HMCN2: variants seen among roughly 807,000 people sequenced by gnomAD.
The protein encoded by HMCN2 is hemicentin-2.
HMCN2 carries 325 observed loss-of-function variants against 377.5 expected under a neutral mutation model. The ratio of observed to expected loss-of-function variants is 0.86; its 90% CI spans 0.79 to 0.94. The LOEUF (loss-of-function observed/expected upper bound fraction) is 0.94. HMCN2 is among the 40% of genes least tolerant of loss of function. The pLI is 0.00. For synonymous variants in HMCN2, 2,007 were observed against 2,046.8 expected (o/e 0.98, Z 0.53); for missense variants, 4,543 against 4,725.3 (o/e 0.96, Z 1.13).
chr9:130,285,958 A>G (rs1477656320), intron 3 of HMCN2, among the ~76,000 whole-genome samples: 2 of 152,128 alleles, frequency 1.3e-5, no homozygotes, highest in African/African-American at 4.8e-5. Context: ...TGGAGCACCT[A>G]CTGTTTTCCT....
intron 25 of HMCN2, among the ~76,000 whole-genome samples, chr9:130,345,824 T>C (rs1291548307): frequency 1.3e-5 from 2 of 151,896 alleles, no homozygotes; most frequent in Non-Finnish European, 2.9e-5. Context: ...CTGTCCCTCA[T>C]GCCAGCAGGG....
chr9:130,424,710 C>A, intron 87 of HMCN2, 66 bp from the exon 88 acceptor site: 1 of 1,437,962 alleles, frequency 7.0e-7, no homozygotes, highest in Admixed American at 2.9e-5. Context: ...ATGACGGGAC[C>A]TTGAACAGGA....
At position 130,423,059 on chromosome 9, in the gene HMCN2, C is replaced by T. The variant is rs543300951; in HGVS notation, c.13381+333C>T. 4.6e-5 allele frequency among the ~76,000 whole-genome samples: 7 copies of T among 152,264 alleles called. No homozygotes were observed. In the South Asian group the frequency reaches 1.5e-3, roughly 32 times the overall value. On this transcript the variant is annotated intron_variant, in intron 87 of 97. Transcript: ENST00000683500. The surrounding 1 kb of genome is among the most constrained non-coding windows in gnomAD (Gnocchi z 5.5). Reference sequence around the variant, plus strand: ...CCACCGATGGCTCCCTGAGGCTTTTCCCCATTTAAGTTAAAGCTCAGGCTG... The same window carrying T: ...CCACCGATGGCTCCCTGAGGCTTTTTCCCATTTAAGTTAAAGCTCAGGCTG...
intron 25 of HMCN2, among the ~76,000 whole-genome samples, chr9:130,344,400 T>C (rs982498956): frequency 4.1e-4 from 61 of 149,934 alleles, no homozygotes; most frequent in African/African-American, 1.5e-3. Context: ...TGTTGTATAG[T>C]GTTTGGTGTG....
At chr9:130,269,392 C>A (rs1215883277) in intron 1 of HMCN2, among the ~76,000 whole-genome samples, 1 of 145,764 alleles carries the variant, frequency 6.9e-6, no homozygotes, top group East Asian at 2.0e-4. Flanking sequence ...TCTTTGTCTG[C>A]ATCTTTGATT....
At position 130,265,810 on chromosome 9, in the gene HMCN2, C is replaced by A. The variant is rs1334373634; in HGVS notation, c.-69C>A. On this transcript the variant is annotated 5_prime_UTR_variant, in exon 1 of 98. Transcript: ENST00000683500. ...AGGCACTGCCTGCAGCCGCCGTGTGCACCGGGGCGGCCGGCTAGCTCCGAC... is the reference window on the plus strand; with the variant it reads ...AGGCACTGCCTGCAGCCGCCGTGTGAACCGGGGCGGCCGGCTAGCTCCGAC... 4 of 287,072 alleles carry A rather than the reference C, an allele frequency of 1.4e-5. No individual in the cohort carries two copies. Among genetic ancestry groups the A allele is most frequent in the Non-Finnish European group, 2.7e-5 (4 of 148,294 alleles). The allele number at this position is 287,072 out of a possible 1,614,324, so 17.8% of individuals were successfully genotyped here.
intron 75 of HMCN2, among the ~76,000 whole-genome samples, chr9:130,399,119 G>T (rs900644922): frequency 6.6e-6 from 1 of 151,790 alleles, no homozygotes; most frequent in Non-Finnish European, 1.5e-5. Context: ...AGAGTATGGT[G>T]GTGGGTGTCT....
chr9:130,273,048 C>G (rs782462781), intron 1 of HMCN2, among the ~76,000 whole-genome samples: 1 of 152,108 alleles, frequency 6.6e-6, no homozygotes, highest in Non-Finnish European at 1.5e-5. Context: ...TCTCATCCAT[C>G]AGACATGCCT....
chr9:130,352,919 C>T lies in HMCN2; in HGVS notation c.4586-8C>T. On this transcript the variant is annotated splice_region_variant and splice_polypyrimidine_tract_variant and intron_variant, in intron 30 of 97. Transcript: ENST00000683500. ...GCCTGTGACCAGCCCCACCTCTTTC[C>T]TTCTCAGCGCCCCCCACTATCTGGG... 1 of 1,261,530 alleles carries T rather than the reference C, an allele frequency of 7.9e-7. No homozygotes were observed. Among genetic ancestry groups the T allele is most frequent in the Non-Finnish European group, 1.0e-6 (1 of 966,114 alleles). 78.1% of individuals were successfully genotyped at this position (1,261,530 alleles called of 1,614,324 possible).
At chr9:130,419,815 C>T (rs150347494) in intron 86 of HMCN2, among the ~76,000 whole-genome samples, 129 of 152,292 alleles carry the variant, frequency 8.5e-4, no homozygotes, top group Middle Eastern at 3.4e-3. Flanking sequence ...TCCCAGGCAG[C>T]GCCTCTCAGC....
intron 43 of HMCN2, 103 bp downstream of exon 43, chr9:130,366,098 G>T: frequency 1.1e-6 from 1 of 894,828 alleles, no homozygotes; most frequent in Non-Finnish European, 1.3e-6. Flanking sequence ...GCTGAGATGG[G>T]GGGGTCTTAT....
chr9:130,286,402 C>T (rs1835415562), intron 4 of HMCN2, 92 bp downstream of exon 4: 2 of 438,158 alleles, frequency 4.6e-6, no homozygotes, highest in Admixed American at 4.9e-5. Context: ...GGTTGAATGA[C>T]AATCAATCAT....
chr9:130,327,579 C>T (rs1488537523), intron 22 of HMCN2, 104 bp downstream of exon 22: 1 of 152,224 alleles, frequency 6.6e-6, no homozygotes, highest in African/African-American at 2.4e-5. Context: ...TGCAGTCTCT[C>T]CCATAGGGTG....
intron 36 of HMCN2, among the ~76,000 whole-genome samples, chr9:130,359,036 G>C (rs1840211612): frequency 6.6e-6 from 1 of 152,156 alleles, no homozygotes; most frequent in Admixed American, 6.5e-5. Flanking sequence ...TATTTGCAGG[G>C]AAATCCTCGT....
Position 130,418,981 on chromosome 9 carries a change from G to A in HMCN2, c.13171G>A (p.Asp4391Asn), listed in dbSNP as rs749204604. Residue 4391 changes from aspartate (D) to asparagine (N), a missense_variant, in exon 86 of 98, where the codon GAC becomes AAC. Asp to Asn is a conservative substitution (Grantham distance 23). Transcript: ENST00000683500. ...NVETGDAGTY[D>N]CVAHNLLGSA... ...GGAGACTGGGGATGCAGGCACCTAC[G>A]ACTGCGTCGCTCACAACCTCCTGGG... 49 of 1,514,254 alleles carry A rather than the reference G, an allele frequency of 3.2e-5. No individual in the cohort carries two copies. The highest frequency in any genetic ancestry group is 2.4e-4 in the South Asian group (19 of 79,166). The allele number at this position is 1,514,254 out of a possible 1,614,324, so 93.8% of individuals were successfully genotyped here.
chr9:130,395,841 C>T, intron 71 of HMCN2, 83 bp from the exon 72 acceptor site: 1 of 1,216,022 alleles, frequency 8.2e-7, no homozygotes, highest in South Asian at 1.4e-5. Context: ...TCACCAGTTC[C>T]TCAGTCTTCC....
At position 130,430,472 on chromosome 9, in the gene HMCN2, C is replaced by T. The variant is rs544595722; in HGVS notation, c.14515C>T (p.Arg4839Trp). ...CCGAGGCCCTCTATTGCCCTGGCTG[C>T]GGCCCTGGGCCTCGATCCCCGGTAC... ...SHRGPLLPWL[R>W]PWASIPGTSY... The change falls in exon 95 of 98, where the codon CGG becomes TGG. Residue 4839 changes from arginine (R) to tryptophan (W), a missense_variant. Around this residue, in one of 5 missense-constraint regions of HMCN2, gnomAD observed 1,155 missense variants for 1,157.7 expected, o/e 1.00. Coordinates refer to ENST00000683500, the MANE Select transcript of HMCN2 (RefSeq NM_001291815.2). The T allele has an allele frequency of 7.2e-4, 1,119 of 1,550,570 alleles. 9 individuals carry two copies. In the South Asian group the frequency reaches 0.01, roughly 14 times the overall value.
intron 84 of HMCN2, 86 bp from the exon 85 acceptor site, chr9:130,410,485 G>A: frequency 3.2e-6 from 4 of 1,255,988 alleles, no homozygotes; most frequent in Non-Finnish European, 4.5e-6. Context: ...CTTGCTGGCT[G>A]GCTGCCCTCA....
At chr9:130,380,432 G>A (rs1184337523) in intron 54 of HMCN2, among the ~76,000 whole-genome samples, 1 of 152,066 alleles carries the variant, frequency 6.6e-6, no homozygotes, top group Non-Finnish European at 1.5e-5. Context: ...GGGAGAAGTG[G>A]TCAGTTGCAC....
Sources: gnomAD v4.1 joint callset for allele counts (sites outside exome capture counted in the v4.1 genomes callset) on GRCh38, gnomAD v4.1.1 for gene constraint, gnomAD v4.1.1 regional missense constraint, Gnocchi (gnomAD v3.1) non-coding constraint, MANE v1.5 for transcripts, NCBI Gene and HGNC (gene_info 2026-07-23, HGNC 2026-07-21) for gene names.